KIF25: variants seen among roughly 807,000 people sequenced by gnomAD.
KIF25 encodes kinesin-like protein KIF25.
A neutral mutation model predicts 32.9 loss-of-function variants in KIF25; 19 were observed. That is an observed-to-expected ratio of 0.58 (90% CI 0.40 to 0.85). The LOEUF (loss-of-function observed/expected upper bound fraction) is 0.85, where lower values mean the gene tolerates loss of function less well. Ranked by LOEUF, KIF25 falls within the 40% of genes least tolerant of loss-of-function variation. The pLI is 0.00. For synonymous variants in KIF25, 225 were observed against 213.7 expected (o/e 1.05, Z -0.46); for missense variants, 485 against 507.0 (o/e 0.96, Z 0.42).
chr6:168,022,890 G>T (rs1798807217), intron 5 of KIF25, among the ~76,000 whole-genome samples: 1 of 151,108 alleles, frequency 6.6e-6, no homozygotes, highest in African/African-American at 2.4e-5. Context: ...GGTAACGTTT[G>T]TGGTTTGTGA....
At chr6:168,031,596 G>A (rs1377543368) in intron 7 of KIF25, among the ~76,000 whole-genome samples, 1 of 152,240 alleles carries the variant, frequency 6.6e-6, no homozygotes, top group Non-Finnish European at 1.5e-5. Flanking sequence ...CAATCATGAT[G>A]CAGTTGCTGC....
chr6:168,012,881 A>G (rs1157293954), intron 4 of KIF25, among the ~76,000 whole-genome samples: 2 of 152,014 alleles, frequency 1.3e-5, no homozygotes, highest in Admixed American at 6.5e-5. Context: ...CCTGAGGTAT[A>G]TCTGCCAGGG....
chr6:168,020,471 A>T (rs1583133463), intron 5 of KIF25, among the ~76,000 whole-genome samples: 2 of 138,800 alleles, frequency 1.4e-5, no homozygotes, highest in South Asian at 2.2e-4. Flanking sequence ...TTTTCTTATT[A>T]AAAAAAAAAA....
rs56286678 is a variant in KIF25, at chr6:168,014,000, A to AATATATAT, written c.-162-3962_-162-3955dup. 2.1e-3 allele frequency among the ~76,000 whole-genome samples: 308 copies of AATATATAT among 149,148 alleles called. 1 individual carries two copies. The highest frequency in any genetic ancestry group is 6.8e-3 in the Middle Eastern group (2 of 292). On this transcript the variant is annotated intron_variant, in intron 4 of 12. Coordinates refer to ENST00000643607, the MANE Select transcript of KIF25 (RefSeq NM_030615.4). Reference sequence around the variant, plus strand: ...TTGCTGACTTTGCTCCCACCATGCAAATATATATATATATATATTTATCTC... The same window carrying AATATATAT: ...TTGCTGACTTTGCTCCCACCATGCAAATATATATATATATATATATATATATTTATCTC...
At position 168,042,125 on chromosome 6, in the gene KIF25, T is replaced by G. The variant is rs1336953868; in HGVS notation, c.803T>G (p.Val268Gly). Residue 268 changes from valine to glycine, a missense_variant, in exon 11 of 13, where the codon GTG (valine) becomes GGG (glycine). By Grantham distance (109) the Val-to-Gly change is moderately radical. Transcript: ENST00000643607. ...CAGGTGCAGGCTCGACTACAGCTCG[T>G]GGACTCGGCCGGCAGCGAGTGCGTT... ...AEQVQARLQL[V>G]DSAGSECVGV... The G allele has an allele frequency of 6.4e-7, 1 of 1,550,434 alleles. No homozygotes were observed. Among genetic ancestry groups the G allele is most frequent in the Non-Finnish European group, 8.7e-7 (1 of 1,147,412 alleles).
intron 8 of KIF25, 138 bp from the exon 9 acceptor site, chr6:168,038,415 T>C (rs1799061228): frequency 2.7e-6 from 2 of 752,016 alleles, no homozygotes; most frequent in East Asian, 5.2e-5. Context: ...GATCTTCGGG[T>C]ATGTAACATG....
At chr6:168,044,780 G>C in intron 12 of KIF25, 47 bp from the exon 13 acceptor site, 1 of 1,527,778 alleles carries the variant, frequency 6.5e-7, no homozygotes, top group Non-Finnish European at 8.8e-7. Context: ...GGCACTTTCA[G>C]ATGCTGCTCT....
intron 2 of KIF25, among the ~76,000 whole-genome samples, chr6:168,000,882 G>T (rs1166262850): frequency 6.6e-6 from 1 of 152,210 alleles, no homozygotes; most frequent in African/African-American, 2.4e-5. Flanking sequence ...TTCCCTGGAG[G>T]GCCTGGCTTG....
intron 8 of KIF25, chr6:168,036,184 A>C: frequency 6.2e-6 from 1 of 162,426 alleles, no homozygotes; most frequent in Non-Finnish European, 1.4e-5. Context: ...TTTCTTCTAA[A>C]CCTGGTTGTT....
chr6:168,038,498 C>G (rs1044253326), intron 8 of KIF25, 55 bp from the exon 9 acceptor site: 2 of 1,585,632 alleles, frequency 1.3e-6, no homozygotes, highest in African/African-American at 2.7e-5. Flanking sequence ...TTGGCTTACA[C>G]TGAAAATCAC....
At chr6:168,036,142 CCT>C in intron 8 of KIF25, 1 of 186,436 alleles carries the variant, frequency 5.4e-6, no homozygotes. Flanking sequence ...AATGCTACTG[CCT>C]GGATTCCTTG....
intron 5 of KIF25, among the ~76,000 whole-genome samples, chr6:168,027,460 A>C (rs1010788217): frequency 7.2e-5 from 6 of 83,438 alleles, no homozygotes; most frequent in Non-Finnish European, 1.5e-4. Flanking sequence ...TCTCCAAAAA[A>C]AAAAAAAAAA....
At chr6:168,033,768 C>T in intron 7 of KIF25, 114 bp from the exon 8 acceptor site, 3 of 1,095,846 alleles carry the variant, frequency 2.7e-6, no homozygotes, top group Non-Finnish European at 4.0e-6. Context: ...AATGGAGTAA[C>T]AGGAGAATAG....
Position 168,038,573 on chromosome 6 carries a change from C to G in KIF25, c.338C>G (p.Ser113Ter). 1 of 1,614,138 alleles carries G rather than the reference C, an allele frequency of 6.2e-7. No individual in the cohort carries two copies. Among genetic ancestry groups the G allele is most frequent in the Non-Finnish European group, 8.5e-7 (1 of 1,180,006 alleles). Residue 113 changes from serine (S) to a stop codon, truncating the protein, a stop_gained, in exon 9 of 13, where the codon TCA becomes TGA. Transcript: ENST00000643607. LOFTEE classifies it high-confidence loss of function. ...ELFRLILENT[S>*]RSPKVEVSIV... ...CGCAGGCTCATTTTGGAAAATACCT[C>G]AAGAAGCCCAAAGGTTGAAGTCTCC...
intron 4 of KIF25, among the ~76,000 whole-genome samples, chr6:168,015,274 C>G (rs1798698743): frequency 6.6e-6 from 1 of 152,158 alleles, no homozygotes; most frequent in Non-Finnish European, 1.5e-5. Context: ...GCTCACGGGT[C>G]TCCTCTTCCT....
chr6:168,025,654 A>G (rs1360301191), intron 5 of KIF25, among the ~76,000 whole-genome samples: 3 of 152,152 alleles, frequency 2.0e-5, no homozygotes, highest in African/African-American at 4.8e-5. Context: ...CACGTGGCCT[A>G]TTGATAAAGG....
At chr6:168,021,466 G>T (rs958077019) in intron 5 of KIF25, among the ~76,000 whole-genome samples, 2 of 152,166 alleles carry the variant, frequency 1.3e-5, no homozygotes, top group African/African-American at 4.8e-5. Context: ...TACATACTGT[G>T]CTAACCTATT....
At chr6:167,999,864 TC>T (rs1418063421) in intron 2 of KIF25, among the ~76,000 whole-genome samples, 5 of 152,052 alleles carry the variant, frequency 3.3e-5, no homozygotes, top group Non-Finnish European at 7.4e-5. Context: ...CTTACTTCCT[TC>T]CCCATGAAAC....
At chr6:168,024,336 A>G (rs1798828597) in intron 5 of KIF25, among the ~76,000 whole-genome samples, 1 of 148,304 alleles carries the variant, frequency 6.7e-6, no homozygotes, top group African/African-American at 2.5e-5. Flanking sequence ...ACAATCCTTC[A>G]CTGGGCTGAC....
Sources: allele counts gnomAD v4.1 joint callset (sites outside exome capture counted in the v4.1 genomes callset), GRCh38; gene constraint gnomAD v4.1.1; transcripts MANE v1.5; gene names NCBI Gene and HGNC (gene_info 2026-07-23, HGNC 2026-07-21).